The following PLCL1 variants were observed in gnomAD, a reference collection of about 807,000 sequenced individuals.
The protein encoded by PLCL1 is phospholipase C like 1 (inactive), also known as inactive phospholipase C-like protein 1.
Under a neutral mutation model 84.4 loss-of-function variants are expected in PLCL1, and 41 were observed. The ratio of observed to expected loss-of-function variants is 0.49; its 90% CI spans 0.38 to 0.63. The LOEUF (loss-of-function observed/expected upper bound fraction) is 0.63. PLCL1 is among the 30% of genes least tolerant of loss of function. PLCL1 has a pLI of 0.00. For missense variants in PLCL1, 1,206 were observed against 1,367.8 expected (o/e 0.88, Z 1.87); for synonymous variants, 490 against 488.3 (o/e 1.00, Z -0.05).
intron 1 of PLCL1, among the ~76,000 whole-genome samples, chr2:197,884,423 C>G (rs1478704748): frequency 6.6e-6 from 1 of 152,170 alleles, no homozygotes; most frequent in African/African-American, 2.4e-5. Context: ...TTCTTATTGG[C>G]TAGAATTTAG....
At chr2:198,145,780 T>TA (rs1490798937) in intron 5 of PLCL1, among the ~76,000 whole-genome samples, 1 of 152,232 alleles carries the variant, frequency 6.6e-6, no homozygotes, top group African/African-American at 2.4e-5. Context: ...AAAAAGCATT[T>TA]ACTGGCCTTT....
chr2:197,952,020 C>A (rs1168612502), intron 1 of PLCL1, among the ~76,000 whole-genome samples: 2 of 152,150 alleles, frequency 1.3e-5, no homozygotes, highest in African/African-American at 4.8e-5. Flanking sequence ...GATTAATTTA[C>A]CAGGACTGAT....
At chr2:198,136,234 G>GT (rs1459428858) in intron 5 of PLCL1, among the ~76,000 whole-genome samples, 1 of 152,042 alleles carries the variant, frequency 6.6e-6, no homozygotes, top group Non-Finnish European at 1.5e-5. Context: ...GATCATTAGA[G>GT]TTTTCCATGT....
chr2:198,114,079 T>G (rs1693683898), intron 5 of PLCL1, among the ~76,000 whole-genome samples: 1 of 151,868 alleles, frequency 6.6e-6, no homozygotes, highest in African/African-American at 2.4e-5. Flanking sequence ...GAAGTATAAT[T>G]GATGCATCTA....
At chr2:197,991,227 T>C (rs1243890181) in intron 1 of PLCL1, among the ~76,000 whole-genome samples, 1 of 152,094 alleles carries the variant, frequency 6.6e-6, no homozygotes, top group Non-Finnish European at 1.5e-5. Flanking sequence ...GGACCTCTCA[T>C]CTCATCTTCT....
At chr2:197,864,483 C>CT (rs112456376) in intron 1 of PLCL1, among the ~76,000 whole-genome samples, 1,617 of 139,394 alleles carry the variant, frequency 0.012, 26 homozygotes, top group African/African-American at 0.035. Flanking sequence ...CAATAGCATT[C>CT]TTTTTTTTTT....
rs1430005047 is a variant in PLCL1, at chr2:197,804,624, A to G, written c.-476A>G. 1 of 127,648 alleles carries G rather than the reference A, an allele frequency of 7.8e-6. No homozygotes were observed. The highest frequency in any genetic ancestry group is 3.1e-5 in the African/African-American group (1 of 32,630). The allele number at this position is 127,648 out of a possible 1,614,324, so 7.9% of individuals were successfully genotyped here. ...GAGTGGAGGCCGCCGCCGCCGCCGC[A>G]CTTCCTGGGACCGCTGCGCCGCAGT... On this transcript the variant is annotated 5_prime_UTR_variant, in exon 1 of 6. Transcript: ENST00000428675.
rs780511339 is a variant in PLCL1, at chr2:198,083,902, C to T, written c.385C>T (p.Arg129Cys). ...GTTGAAGAAAGTCCGGCCAAATTCTCGCATTTACAACCGTTTTTTCACTCT... is the reference window on the plus strand; with the variant it reads ...GTTGAAGAAAGTCCGGCCAAATTCTTGCATTTACAACCGTTTTTTCACTCT... ...CELKKVRPNS[R>C]IYNRFFTLDT... is the part of the protein sequence containing the mutation. Residue 129 changes from arginine (R) to cysteine (C), a missense_variant, in exon 2 of 6, where the codon CGC becomes TGC. Physicochemically the swap from Arg to Cys is radical, Grantham distance 180 (BLOSUM62 -3). Coordinates refer to ENST00000428675, the MANE Select transcript of PLCL1 (RefSeq NM_006226.4). The T allele has an allele frequency of 1.7e-5, 27 of 1,614,114 alleles. No individual in the cohort carries two copies. The highest frequency in any genetic ancestry group is 4.5e-5 in the East Asian group (2 of 44,886).
chr2:198,051,374 T>G (rs997173958), intron 1 of PLCL1, among the ~76,000 whole-genome samples: 1 of 152,178 alleles, frequency 6.6e-6, no homozygotes, highest in Non-Finnish European at 1.5e-5. Flanking sequence ...GCTAACATAT[T>G]ACAGTTTTAG....
intron 1 of PLCL1, among the ~76,000 whole-genome samples, chr2:197,996,512 T>C (rs736367): frequency 0.07 from 10,648 of 152,220 alleles, 491 homozygotes; most frequent in Non-Finnish European, 0.1. Flanking sequence ...TGCAAGAGGT[T>C]AATAATAGGA....
intron 1 of PLCL1, among the ~76,000 whole-genome samples, chr2:198,000,926 C>T (rs1690586112): frequency 6.6e-6 from 1 of 152,080 alleles, no homozygotes; most frequent in African/African-American, 2.4e-5. Flanking sequence ...GTTAACGAGT[C>T]ATCATGACTA....
chr2:197,907,947 G>A (rs1169095096), intron 1 of PLCL1, among the ~76,000 whole-genome samples: 7 of 152,128 alleles, frequency 4.6e-5, no homozygotes, highest in Admixed American at 4.6e-4. Flanking sequence ...AGCAGCTAAG[G>A]TTGAGGGCCA....
At chr2:197,895,820 G>C (rs978048063) in intron 1 of PLCL1, among the ~76,000 whole-genome samples, 1 of 151,900 alleles carries the variant, frequency 6.6e-6, no homozygotes, top group African/African-American at 2.4e-5. Flanking sequence ...AGCCTTGAAG[G>C]AGAATGGAAC....
In PLCL1 at chr2:197,894,982, C is replaced by T. The variant is rs113878663; in HGVS notation, c.240+89643C>T. Among the ~76,000 whole-genome samples the T allele has an allele frequency of 8.5e-5, 13 of 152,070 alleles. 3 individuals are homozygous for T. The highest frequency in any genetic ancestry group is 3.1e-4 in the African/African-American group (13 of 41,532). ...CTTTGTTTTCCATACAACACCATGG[C>T]TTGTTGAACTTGGAAGCTGTTTATC... On this transcript the variant is annotated intron_variant, in intron 1 of 5. Transcript: ENST00000428675.
intron 1 of PLCL1, among the ~76,000 whole-genome samples, chr2:197,995,539 G>T (rs1329574339): frequency 6.6e-6 from 1 of 152,090 alleles, no homozygotes. Flanking sequence ...CCCAAGGTGG[G>T]TCCTGAGGGT....
At chr2:198,133,889 A>G (rs1694188861) in intron 5 of PLCL1, among the ~76,000 whole-genome samples, 1 of 152,178 alleles carries the variant, frequency 6.6e-6, no homozygotes, top group Non-Finnish European at 1.5e-5. Context: ...GAAATTTAAT[A>G]TGTACTGTAT....
rs565277799 is a variant in PLCL1, at chr2:197,931,761, T to C, written c.240+126422T>C. ...CCTTTTCATAGGACAGAGGCCTTTA[T>C]TCCCAGTTTTAAATTCAGTGGGAAG... On this transcript the variant is annotated intron_variant, in intron 1 of 5. Coordinates refer to ENST00000428675, the MANE Select transcript of PLCL1 (RefSeq NM_006226.4). 2.1e-3 allele frequency among the ~76,000 whole-genome samples: 300 copies of C among 140,196 alleles called. 1 individual carries two copies. Among genetic ancestry groups the C allele is most frequent in the African/African-American group, 7.3e-3 (274 of 37,680 alleles). 92.0% of individuals were successfully genotyped at this position (140,196 alleles called of 152,430 possible).
At chr2:197,935,294 G>T (rs910106465) in intron 1 of PLCL1, among the ~76,000 whole-genome samples, 1 of 152,082 alleles carries the variant, frequency 6.6e-6, no homozygotes, top group Non-Finnish European at 1.5e-5. Context: ...AATTAATTCT[G>T]CCCTAAAGAC....
chr2:198,140,141 C>G (rs1694350965), intron 5 of PLCL1, among the ~76,000 whole-genome samples: 1 of 152,008 alleles, frequency 6.6e-6, no homozygotes, highest in Admixed American at 6.6e-5. Flanking sequence ...ACCATGTTGG[C>G]CGCGCCTGGC....
Sources: gnomAD v4.1 joint callset for allele counts (sites outside exome capture counted in the v4.1 genomes callset) on GRCh38, gnomAD v4.1.1 for gene constraint, MANE v1.5 for transcripts, NCBI Gene and HGNC (gene_info 2026-07-23, HGNC 2026-07-21) for gene names.